KCNG3: variants seen among roughly 807,000 people sequenced by gnomAD.
KCNG3 encodes the protein potassium voltage-gated channel modifier subfamily G member 3, also known as voltage-gated potassium channel regulatory subunit KCNG3.
A neutral mutation model predicts 29.0 loss-of-function variants in KCNG3; 15 were observed. The observed-to-expected ratio is 0.52, with a 90% CI of 0.35 to 0.80. The LOEUF is 0.80. KCNG3 is among the 30% of genes least tolerant of loss of function. KCNG3 has a pLI of 0.01. For missense variants in KCNG3, 512 were observed against 605.7 expected (o/e 0.85, Z 1.62); for synonymous variants, 322 against 248.9 (o/e 1.29, Z -2.76).
At chr2:42,474,997 C>A (rs989311024) in intron 1 of KCNG3, among the ~76,000 whole-genome samples, 1 of 152,144 alleles carries the variant, frequency 6.6e-6, no homozygotes, top group African/African-American at 2.4e-5. Context: ...TATTTCCTGT[C>A]TTCTCATCAT....
At chr2:42,460,299 C>A (rs1267930629) in intron 1 of KCNG3, among the ~76,000 whole-genome samples, 3 of 151,974 alleles carry the variant, frequency 2.0e-5, no homozygotes, top group Non-Finnish European at 4.4e-5. Flanking sequence ...TGCAGTGAGT[C>A]ATGATTATAC....
chr2:42,404,718 A>T, the KCNG3 span, among the ~76,000 whole-genome samples: 2 of 152,018 alleles, frequency 1.3e-5, no homozygotes, highest in African/African-American at 4.8e-5. Context: ...ACGGAGGAAG[A>T]CCCCATCTCA....
chr2:42,480,160 T>C (rs528326296), intron 1 of KCNG3, among the ~76,000 whole-genome samples: 45 of 152,296 alleles, frequency 3.0e-4, no homozygotes, highest in Non-Finnish European at 5.4e-4. Context: ...GTTTAGTACT[T>C]TGGGGAAATA....
At chr2:42,490,071 G>A (rs1349057225) in intron 1 of KCNG3, among the ~76,000 whole-genome samples, 2 of 152,168 alleles carry the variant, frequency 1.3e-5, no homozygotes, top group African/African-American at 2.4e-5. Flanking sequence ...GCCACTGCCT[G>A]CAAAATAAAA....
At chr2:42,403,752 A>G in the KCNG3 span, among the ~76,000 whole-genome samples, 1 of 151,074 alleles carries the variant, frequency 6.6e-6, no homozygotes, top group Non-Finnish European at 1.5e-5. Context: ...GGCGAGAGCC[A>G]CCGTGCCTGG....
At chr2:42,425,963 T>C in the KCNG3 span, among the ~76,000 whole-genome samples, 1 of 152,234 alleles carries the variant, frequency 6.6e-6, no homozygotes, top group Admixed American at 6.5e-5. Context: ...AGCATGTATT[T>C]AGTATCAGCT....
intron 1 of KCNG3, among the ~76,000 whole-genome samples, chr2:42,454,846 A>G (rs1489397191): frequency 1.3e-5 from 2 of 152,222 alleles, no homozygotes; most frequent in Non-Finnish European, 2.9e-5. Context: ...AACTAGTCAA[A>G]TTCACAGAAA....
chr2:42,468,527 T>C (rs1375293005), intron 1 of KCNG3, among the ~76,000 whole-genome samples: 1 of 152,184 alleles, frequency 6.6e-6, no homozygotes. Context: ...GGTACCTAGA[T>C]ATAAATCTAA....
At chr2:42,391,695 C>T in the KCNG3 span, among the ~76,000 whole-genome samples, 55 of 146,708 alleles carry the variant, frequency 3.7e-4, no homozygotes, top group Non-Finnish European at 5.6e-4. Flanking sequence ...CTCCGCCTCC[C>T]GGGTTCACGC....
the KCNG3 span, among the ~76,000 whole-genome samples, chr2:42,406,181 T>A: frequency 6.6e-6 from 1 of 152,200 alleles, no homozygotes; most frequent in Non-Finnish European, 1.5e-5. Flanking sequence ...GTCATTCAGT[T>A]CCAGATATTT....
rs915642561 is a variant in KCNG3, at chr2:42,442,636, A to C, written c.*1298T>G. On this transcript the variant is annotated 3_prime_UTR_variant, in exon 2 of 2. Transcript: ENST00000306078. ...GTGTACAACATTCAATTTTTTATGA[A>C]TCTGTCACTAATTATTTGTGTTTAT... 1 of 152,192 alleles carries C rather than the reference A, an allele frequency of 6.6e-6. No homozygotes were observed. The highest frequency in any genetic ancestry group is 6.5e-5 in the Admixed American group (1 of 15,278). The allele number at this position is 152,192 out of a possible 1,614,324, so 9.4% of individuals were successfully genotyped here.
intron 1 of KCNG3, among the ~76,000 whole-genome samples, chr2:42,459,323 C>T (rs1672956562): frequency 6.6e-6 from 1 of 152,176 alleles, no homozygotes. Flanking sequence ...ACATCCTCAT[C>T]TACCTCCCTC....
the KCNG3 span, among the ~76,000 whole-genome samples, chr2:42,420,582 G>C: frequency 4.6e-5 from 7 of 152,070 alleles, no homozygotes; most frequent in Non-Finnish European, 8.8e-5. Context: ...CTGAAGTCAG[G>C]AGTTTCAGAC....
chr2:42,416,734 C>A, the KCNG3 span, among the ~76,000 whole-genome samples: 24 of 151,402 alleles, frequency 1.6e-4, no homozygotes, highest in Non-Finnish European at 5.9e-5. Context: ...GGGAGAATTG[C>A]TTGAACCCAG....
At chr2:42,419,310 T>C in the KCNG3 span, among the ~76,000 whole-genome samples, 1 of 137,658 alleles carries the variant, frequency 7.3e-6, no homozygotes, top group African/African-American at 2.7e-5. Context: ...CAATCTTGGC[T>C]CACTGCAACC....
At chr2:42,400,396 G>A in the KCNG3 span, among the ~76,000 whole-genome samples, 1 of 152,134 alleles carries the variant, frequency 6.6e-6, no homozygotes. Context: ...TCAAAGCCAG[G>A]TTATGAGAGG....
At chr2:42,400,882 C>T in the KCNG3 span, among the ~76,000 whole-genome samples, 1 of 151,892 alleles carries the variant, frequency 6.6e-6, no homozygotes, top group African/African-American at 2.4e-5. Context: ...TTTGGTTATT[C>T]ACCAGTGATG....
At chr2:42,454,501 A>G (rs1572845750) in intron 1 of KCNG3, among the ~76,000 whole-genome samples, 1 of 150,950 alleles carries the variant, frequency 6.6e-6, no homozygotes, top group South Asian at 2.1e-4. Context: ...CACCTGAGGT[A>G]AGGAGTTAAA....
intron 1 of KCNG3, among the ~76,000 whole-genome samples, chr2:42,478,657 C>G (rs988100466): frequency 6.6e-6 from 1 of 152,132 alleles, no homozygotes; most frequent in Non-Finnish European, 1.5e-5. Flanking sequence ...CTGGGACACC[C>G]CAGGCTGTGT....
Sources: gnomAD v4.1 joint callset for allele counts (sites outside exome capture counted in the v4.1 genomes callset) on GRCh38, gnomAD v4.1.1 for gene constraint, MANE v1.5 for transcripts, NCBI Gene and HGNC (gene_info 2026-07-23, HGNC 2026-07-21) for gene names.